The following PAQR5 variants were observed in gnomAD, a reference collection of about 807,000 sequenced individuals.
PAQR5 encodes the protein membrane progestin receptor gamma.
Under a neutral mutation model 34.5 loss-of-function variants are expected in PAQR5, and 20 were observed. That is an observed-to-expected ratio of 0.58 (90% CI 0.41 to 0.84). The LOEUF (loss-of-function observed/expected upper bound fraction) is 0.84. PAQR5 is among the 40% of genes least tolerant of loss of function. The pLI is 0.00. For synonymous variants in PAQR5, 131 were observed against 155.6 expected (o/e 0.84, Z 1.18); for missense variants, 378 against 412.7 (o/e 0.92, Z 0.73).
At chr15:69,326,700 G>C (rs1452174600) in intron 1 of PAQR5, among the ~76,000 whole-genome samples, 1 of 152,164 alleles carries the variant, frequency 6.6e-6, no homozygotes, top group Non-Finnish European at 1.5e-5. Context: ...GCCTCCCAAA[G>C]TGCTGGGATT....
At chr15:69,402,690 A>G (rs372146365) in intron 8 of PAQR5, among the ~76,000 whole-genome samples, 17 of 152,174 alleles carry the variant, frequency 1.1e-4, no homozygotes, top group African/African-American at 3.9e-4. Flanking sequence ...TTATTTAATT[A>G]TTTCTCTAAA....
intron 4 of PAQR5, among the ~76,000 whole-genome samples, chr15:69,383,638 C>T (rs1477168112): frequency 1.8e-4 from 18 of 100,888 alleles, no homozygotes; most frequent in Admixed American, 4.8e-4. Flanking sequence ...GAGTGGCCCT[C>T]TGTGTTCATC....
At chr15:69,329,523 C>G (rs1220931552) in intron 1 of PAQR5, among the ~76,000 whole-genome samples, 2 of 108,686 alleles carry the variant, frequency 1.8e-5, no homozygotes, top group African/African-American at 7.3e-5. Context: ...CTCGCTCTGT[C>G]TGATTGTTAC....
intron 8 of PAQR5, among the ~76,000 whole-genome samples, chr15:69,403,057 G>A (rs537952616): frequency 5.0e-4 from 76 of 152,352 alleles, no homozygotes; most frequent in African/African-American, 1.8e-3. Context: ...AATTCAGCCA[G>A]CTTCTCCCTC....
chr15:69,345,726 T>A (rs1450728400), intron 2 of PAQR5, among the ~76,000 whole-genome samples: 1 of 152,216 alleles, frequency 6.6e-6, no homozygotes. Context: ...TTTTAAAGCT[T>A]TGGAACTCTC....
chr15:69,372,486 T>G (rs1165932519), intron 3 of PAQR5, among the ~76,000 whole-genome samples: 2 of 152,178 alleles, frequency 1.3e-5, no homozygotes. Flanking sequence ...GAGGTTGCAG[T>G]GAGCCAAGAT....
intron 2 of PAQR5, among the ~76,000 whole-genome samples, chr15:69,353,424 A>G (rs572754252): frequency 2.6e-5 from 4 of 152,360 alleles, no homozygotes; most frequent in Admixed American, 6.5e-5. Context: ...CTTTTGACAA[A>G]GAAACTCATT....
intron 1 of PAQR5, among the ~76,000 whole-genome samples, chr15:69,310,670 T>C (rs2053810058): frequency 6.6e-6 from 1 of 152,206 alleles, no homozygotes; most frequent in African/African-American, 2.4e-5. Context: ...ATATACATTA[T>C]ACGTTTTTCC....
At position 69,404,518 on chromosome 15, in the gene PAQR5, GT is replaced by G. The variant is rs2056724992; in HGVS notation, c.*698del. 6.4e-6 allele frequency: 1 copy of G among 156,418 alleles called. No individual in the cohort carries two copies. The highest frequency in any genetic ancestry group is 6.5e-5 in the Admixed American group (1 of 15,376). The allele number at this position is 156,418 out of a possible 1,614,324, so 9.7% of individuals were successfully genotyped here. On this transcript the variant is annotated 3_prime_UTR_variant, in exon 9 of 9. Coordinates refer to ENST00000395407, the MANE Select transcript of PAQR5 (RefSeq NM_017705.4). ...TCCACAGCGGGGTGTCATGTGTTCTGTTATGTTCTGTTTTCTGGTTGCCAGT... is the reference window on the plus strand; with the variant it reads ...TCCACAGCGGGGTGTCATGTGTTCTGTATGTTCTGTTTTCTGGTTGCCAGT...
At chr15:69,302,905 G>T (rs574439886) in intron 1 of PAQR5, among the ~76,000 whole-genome samples, 1 of 152,298 alleles carries the variant, frequency 6.6e-6, no homozygotes, top group African/African-American at 2.4e-5. Context: ...TCTCTAAGCT[G>T]GACTAATCCT....
chr15:69,318,921 G>T (rs1453553176), intron 1 of PAQR5, among the ~76,000 whole-genome samples: 1 of 151,630 alleles, frequency 6.6e-6, no homozygotes, highest in Non-Finnish European at 1.5e-5. Flanking sequence ...ACCACCTAAG[G>T]TCGGGTGTTT....
At chr15:69,344,747 G>A (rs1027135561) in intron 2 of PAQR5, among the ~76,000 whole-genome samples, 1 of 152,232 alleles carries the variant, frequency 6.6e-6, no homozygotes, top group Non-Finnish European at 1.5e-5. Context: ...ACTCAGAAGA[G>A]TGGCTGTAGT....
chr15:69,372,732 T>G (rs1201308953), intron 3 of PAQR5, among the ~76,000 whole-genome samples: 2 of 152,212 alleles, frequency 1.3e-5, no homozygotes, highest in Non-Finnish European at 2.9e-5. Flanking sequence ...GTGTAAGCGA[T>G]GTTTTATGTT....
At chr15:69,357,447 A>G (rs1048895880) in intron 2 of PAQR5, among the ~76,000 whole-genome samples, 8 of 126,244 alleles carry the variant, frequency 6.3e-5, no homozygotes, top group African/African-American at 2.2e-4. Flanking sequence ...TATTTTTAGT[A>G]GAGACGGGGT....
chr15:69,364,400 C>G lies in PAQR5; in HGVS notation c.51+4269C>G, dbSNP rs139806280. ...GAGGTGGGTGATTTTAAAGCAATCA[C>G]CATTCTGTCTCCAAAAACAAAACAA... On this transcript the variant is annotated intron_variant, in intron 3 of 8. Coordinates refer to ENST00000395407, the MANE Select transcript of PAQR5 (RefSeq NM_017705.4). Among the ~76,000 whole-genome samples, 147 of 147,602 alleles carry G rather than the reference C, an allele frequency of 1.0e-3. 1 individual carries two copies. The highest frequency in any genetic ancestry group is 1.5e-3 in the Non-Finnish European group (103 of 67,452).
chr15:69,392,142 AT>A (rs112633523), intron 6 of PAQR5: 152,608 of 167,164 alleles, frequency 0.91, 70,261 homozygotes, highest in Non-Finnish European at 0.98. Flanking sequence ...GTTTTATTTT[AT>A]TTTTTTTTGT....
intron 3 of PAQR5, among the ~76,000 whole-genome samples, chr15:69,362,914 A>T (rs1015285407): frequency 1.3e-5 from 2 of 151,990 alleles, no homozygotes; most frequent in Non-Finnish European, 2.9e-5. Flanking sequence ...TCTTCTCTTT[A>T]TTCTCCCCAG....
intron 2 of PAQR5, among the ~76,000 whole-genome samples, chr15:69,356,986 G>A (rs1323979552): frequency 0.021 from 3,143 of 152,222 alleles, 112 homozygotes; most frequent in African/African-American, 0.072. Context: ...GTGGCTTGGT[G>A]CTGTCTTCGA....
Position 69,405,673 on chromosome 15 carries a change from G to A in PAQR5, c.*1851G>A, listed in dbSNP as rs559694495. The A allele has an allele frequency of 3.5e-4, 54 of 152,284 alleles. No homozygotes were observed. The highest frequency in any genetic ancestry group is 1.2e-3 in the African/African-American group (48 of 41,548). 9.4% of individuals were successfully genotyped at this position (152,284 alleles called of 1,614,324 possible). A position where few individuals can be genotyped will look rare whatever the true frequency, so the allele number is the denominator to read the frequency against. ...TCTAGTAATGCCAAAGACATACAGT[G>A]TTTTACATTCTCTCCTTTATAGGTA... On this transcript the variant is annotated 3_prime_UTR_variant, in exon 9 of 9. Coordinates refer to ENST00000395407, the MANE Select transcript of PAQR5 (RefSeq NM_017705.4).
Sources: gnomAD v4.1 joint callset for allele counts (sites outside exome capture counted in the v4.1 genomes callset) on GRCh38, gnomAD v4.1.1 for gene constraint, MANE v1.5 for transcripts, NCBI Gene and HGNC (gene_info 2026-07-23, HGNC 2026-07-21) for gene names.